Variants in CELF2 observed in about 807,000 individuals in gnomAD.
CELF2 encodes the protein CUG triplet repeat RNA-binding protein 2.
In CELF2, 8 loss-of-function variants were observed where a neutral mutation model predicts 62.6. The ratio of observed to expected loss-of-function variants is 0.13; its 90% confidence interval spans 0.07 to 0.23. CELF2 has a LOEUF of 0.23. Ranked by LOEUF, CELF2 falls within the 10% of genes least tolerant of loss-of-function variation. The pLI is 1.00. For synonymous variants in CELF2, 258 were observed against 250.0 expected (o/e 1.03, Z -0.30); for missense variants, 333 against 671.0 (o/e 0.50, Z 5.56).
the CELF2 span, among the ~76,000 whole-genome samples, chr10:10,757,803 A>G: frequency 6.6e-6 from 1 of 152,240 alleles, no homozygotes; most frequent in African/African-American, 2.4e-5. Context: ...AAGAAGACAC[A>G]GTTTCTGCCC....
At chr10:10,528,720 C>CT in the CELF2 span, among the ~76,000 whole-genome samples, 2 of 152,170 alleles carry the variant, frequency 1.3e-5, no homozygotes, top group Non-Finnish European at 2.9e-5. Flanking sequence ...TCTTTAAGAT[C>CT]TTTTATCACC....
intron 1 of CELF2, among the ~76,000 whole-genome samples, chr10:10,869,675 A>G (rs1394636378): frequency 6.6e-6 from 1 of 152,218 alleles, no homozygotes; most frequent in African/African-American, 2.4e-5. Context: ...GGTTTTATGA[A>G]AAATTACAAA....
chr10:10,507,050 G>T, the CELF2 span, among the ~76,000 whole-genome samples: 14 of 152,098 alleles, frequency 9.2e-5, no homozygotes, highest in Non-Finnish European at 2.9e-5. Flanking sequence ...GAGATTTGGG[G>T]TGTTTAGTTC....
chr10:11,042,237 C>A (rs9663594), intron 1 of CELF2, among the ~76,000 whole-genome samples: 35,983 of 152,080 alleles, frequency 0.24, 4,530 homozygotes, highest in Middle Eastern at 0.3. Flanking sequence ...TATTTGATCC[C>A]GAGCTTTTTA....
At chr10:11,173,211 A>G (rs2069573833) in intron 2 of CELF2, among the ~76,000 whole-genome samples, 1 of 152,154 alleles carries the variant, frequency 6.6e-6, no homozygotes, top group Non-Finnish European at 1.5e-5. Flanking sequence ...GCATTAGGCA[A>G]CCAGTCCTTT....
At chr10:10,678,416 C>T in the CELF2 span, among the ~76,000 whole-genome samples, 1 of 152,106 alleles carries the variant, frequency 6.6e-6, no homozygotes, top group Non-Finnish European at 1.5e-5. Flanking sequence ...TGTTATTTTG[C>T]AGCTGGTCTT....
At chr10:10,546,381 C>T in the CELF2 span, among the ~76,000 whole-genome samples, 1 of 152,036 alleles carries the variant, frequency 6.6e-6, no homozygotes. Context: ...TCCAAAAAAG[C>T]GGATTCTGAT....
the CELF2 span, among the ~76,000 whole-genome samples, chr10:10,500,549 C>T: frequency 0.011 from 1,733 of 152,252 alleles, 11 homozygotes; most frequent in Non-Finnish European, 0.014. Context: ...CCATGTAAGA[C>T]ATGCCTTTTG....
At chr10:10,967,437 T>C (rs938102077) in intron 2 of CELF2, among the ~76,000 whole-genome samples, 1 of 151,968 alleles carries the variant, frequency 6.6e-6, no homozygotes, top group Non-Finnish European at 1.5e-5. Flanking sequence ...CAGACTGTGT[T>C]AGTCCCAGTA....
intron 9 of CELF2, among the ~76,000 whole-genome samples, chr10:11,310,648 C>T (rs553738488): frequency 1.3e-4 from 19 of 151,882 alleles, no homozygotes; most frequent in African/African-American, 4.6e-4. Flanking sequence ...AGAATTCAAA[C>T]ATGTGCGAGG....
rs796889211 is a variant in CELF2 at position 11,043,492 on chromosome 10, C to T, written c.74+25329C>T. Among the ~76,000 whole-genome samples, 28 of 152,322 alleles carry T rather than the reference C, an allele frequency of 1.8e-4. 1 individual carries two copies. The highest frequency in any genetic ancestry group is 6.7e-4 in the African/African-American group (28 of 41,564). ...GCCTCAACCTTGCCCTGAACACCAG[C>T]ATTGAATATCCCGCTCCTGGCTGGA... is the stretch of plus-strand genomic sequence containing the variant. On this transcript the variant is annotated intron_variant, in intron 1 of 12. Coordinates refer to ENST00000633077, the MANE Select transcript of CELF2 (RefSeq NM_001326342.2).
At chr10:11,082,742 A>G (rs904245910) in intron 1 of CELF2, among the ~76,000 whole-genome samples, 9 of 152,222 alleles carry the variant, frequency 5.9e-5, no homozygotes, top group Non-Finnish European at 8.8e-5. Context: ...CATGAAGTCC[A>G]TGCTGTCTGT....
intron 1 of CELF2, among the ~76,000 whole-genome samples, chr10:11,163,297 G>C (rs1192710268): frequency 2.6e-5 from 4 of 152,178 alleles, no homozygotes; most frequent in Non-Finnish European, 5.9e-5. Flanking sequence ...GCCGAGACCT[G>C]TGGCAATACC....
chr10:11,102,510 C>T (rs1000435408), intron 1 of CELF2, among the ~76,000 whole-genome samples: 1 of 152,190 alleles, frequency 6.6e-6, no homozygotes, highest in Non-Finnish European at 1.5e-5. Flanking sequence ...TTTCAGGCAT[C>T]GCAAGCAGAC....
the CELF2 span, among the ~76,000 whole-genome samples, chr10:10,614,417 G>A: frequency 5.9e-5 from 9 of 152,070 alleles, no homozygotes; most frequent in Admixed American, 4.6e-4. Flanking sequence ...ACATCCGGAA[G>A]GCAGTTCTCC....
rs1026509991 is a variant in CELF2, at chr10:11,043,174, G to A, written c.74+25011G>A. Among the ~76,000 whole-genome samples, 28 of 152,106 alleles carry A rather than the reference G, an allele frequency of 1.8e-4. 1 individual carries two copies. In the East Asian group the frequency reaches 2.5e-3, roughly 14 times the overall value. On this transcript the variant is annotated intron_variant, in intron 1 of 12. Coordinates refer to ENST00000633077, the MANE Select transcript of CELF2 (RefSeq NM_001326342.2). ...TGCATCCTTGGCAACAGTTGTTGCT[G>A]CCCATCCCAGGATCACGATCAGTTA... is the stretch of plus-strand genomic sequence containing the variant.
chr10:10,465,341 A>G, the CELF2 span, among the ~76,000 whole-genome samples: 3 of 152,132 alleles, frequency 2.0e-5, no homozygotes, highest in Non-Finnish European at 1.5e-5. Context: ...AGACTAGAAA[A>G]TGTAATTTGA....
the CELF2 span, among the ~76,000 whole-genome samples, chr10:10,584,233 G>A: frequency 4.6e-5 from 7 of 152,268 alleles, no homozygotes; most frequent in South Asian, 1.5e-3. Context: ...AGCAATGAAC[G>A]ATTTGCGAAT....
At chr10:10,810,554 A>T (rs1478649955) in intron 1 of CELF2, among the ~76,000 whole-genome samples, 1 of 152,070 alleles carries the variant, frequency 6.6e-6, no homozygotes, top group Non-Finnish European at 1.5e-5. Context: ...CTGGAATGGG[A>T]AGGGAAGGGT....
Sources: gnomAD v4.1 joint callset for allele counts (sites outside exome capture counted in the v4.1 genomes callset) on GRCh38, gnomAD v4.1.1 for gene constraint, MANE v1.5 for transcripts, NCBI Gene and HGNC (gene_info 2026-07-23, HGNC 2026-07-21) for gene names.